Variants in ACSL6 observed in about 807,000 individuals in gnomAD.
ACSL6 encodes the protein acyl-CoA synthetase long chain family member 6.
A neutral mutation model predicts 98.2 loss-of-function variants in ACSL6; 47 were observed. The ratio of observed to expected loss-of-function variants is 0.48; its 90% CI spans 0.38 to 0.61. The LOEUF (loss-of-function observed/expected upper bound fraction) is 0.61. Among genes scored for constraint, ACSL6 ranks in the 20% least tolerant of loss-of-function variants. The probability of loss-of-function intolerance (pLI) is 0.00; values close to 1 mark genes in which losing one functional copy is unlikely to be tolerated. For synonymous variants in ACSL6, 362 were observed against 336.9 expected (o/e 1.07, Z -0.82); for missense variants, 761 against 913.4 (o/e 0.83, Z 2.15).
Position 131,954,161 on chromosome 5 carries a change from G to T in ACSL6, c.*73C>A. On this transcript the variant is annotated 3_prime_UTR_variant, in exon 21 of 21. Coordinates refer to ENST00000651883, the MANE Select transcript of ACSL6 (RefSeq NM_001009185.3). ...TATTCATTTTCAGCTGTGTCATTTT[G>T]ACTCATTACTTTCAAGAATAACTAT... is the stretch of plus-strand genomic sequence containing the variant. The T allele has an allele frequency of 7.0e-7, 1 of 1,434,560 alleles. No homozygotes were observed. Among genetic ancestry groups the T allele is most frequent in the Non-Finnish European group, 9.2e-7 (1 of 1,085,868 alleles). 88.9% of individuals were successfully genotyped at this position (1,434,560 alleles called of 1,614,324 possible).
intron 1 of ACSL6, chr5:131,999,352 T>A (rs1255059777): frequency 1.3e-5 from 2 of 152,226 alleles, no homozygotes; most frequent in Non-Finnish European, 2.9e-5. Flanking sequence ...AGTTACTCCA[T>A]CTCTTTGCAA....
chr5:131,989,044 G>A, intron 5 of ACSL6, 140 bp from the exon 6 acceptor site: 1 of 720,784 alleles, frequency 1.4e-6, no homozygotes, highest in Non-Finnish European at 2.4e-6. Flanking sequence ...GGTTGTGTCT[G>A]CTCACCCACA....
At chr5:132,004,342 C>T (rs2126956856) in intron 1 of ACSL6, among the ~76,000 whole-genome samples, 1 of 152,164 alleles carries the variant, frequency 6.6e-6, no homozygotes, top group East Asian at 1.9e-4. Context: ...ATGGATGCCA[C>T]TCAGACTCCC....
intron 11 of ACSL6, chr5:131,973,713 C>A: frequency 4.0e-6 from 1 of 247,240 alleles, no homozygotes; most frequent in Non-Finnish European, 7.9e-6. Flanking sequence ...TGGACATGGG[C>A]CTCCCTGGGG....
In ACSL6 at chr5:131,952,828, T is replaced by C. The variant is rs1424141859; in HGVS notation, c.*1406A>G. The C allele has an allele frequency of 1.8e-5, 4 of 218,462 alleles. No individual in the cohort carries two copies. Among genetic ancestry groups the C allele is most frequent in the Admixed American group, 1.7e-4 (3 of 17,206 alleles). The allele number at this position is 218,462 out of a possible 1,614,324, so 13.5% of individuals were successfully genotyped here. A position where few individuals can be genotyped will look rare whatever the true frequency, so the allele number is the denominator to read the frequency against. On this transcript the variant is annotated 3_prime_UTR_variant, in exon 21 of 21. Coordinates refer to ENST00000651883, the MANE Select transcript of ACSL6 (RefSeq NM_001009185.3). Reference sequence around the variant, plus strand: ...CCATTAGGCAGTATTTCTTTGTCTATGGACTTAAAAAGTTTTCTTGGGGCA... The same window carrying C: ...CCATTAGGCAGTATTTCTTTGTCTACGGACTTAAAAAGTTTTCTTGGGGCA...
rs532978047 is a variant in ACSL6 at position 131,955,492 on chromosome 5, C to G, written c.2032-1121G>C. 2.0e-5 allele frequency among the ~76,000 whole-genome samples: 3 copies of G among 152,184 alleles called. No individual in the cohort carries two copies. In the East Asian group the frequency reaches 5.8e-4, roughly 29 times the overall value. On this transcript the variant is annotated intron_variant, in intron 20 of 20. Coordinates refer to ENST00000651883, the MANE Select transcript of ACSL6 (RefSeq NM_001009185.3). ...GGTCCCAAGGGAGACGTTTTTAAACCATAGTGCACTGAGAACTAGGTGATC... is the reference window on the plus strand; with the variant it reads ...GGTCCCAAGGGAGACGTTTTTAAACGATAGTGCACTGAGAACTAGGTGATC...
chr5:131,994,109 G>T lies in ACSL6; in HGVS notation c.192C>A (p.Ile64=), dbSNP rs150297191. 3.7e-6 allele frequency: 6 copies of T among 1,614,096 alleles called. No homozygotes were observed. The African/African-American group carries it at 6.7e-5, about 18-fold the overall frequency. ...TLVSMGALAA[I]LAYWFTHRPK... ...GCCGGTGAGTGAACCAGTAGGCAAG[G>T]ATGGCAGCCAGGGCACCCATACTCA... The change falls in exon 2 of 21, where the codon ATC becomes ATA. Residue 64 remains isoleucine (I), a synonymous_variant. Transcript: ENST00000651883.
At chr5:131,973,173 A>G (rs1753409527) in intron 12 of ACSL6, 93 bp downstream of exon 12, 3 of 1,490,636 alleles carry the variant, frequency 2.0e-6, no homozygotes, top group Non-Finnish European at 2.7e-6. Flanking sequence ...TTGGCAGTGG[A>G]GGCACTGAAA....
chr5:131,966,807 A>G (rs895525389), intron 16 of ACSL6, among the ~76,000 whole-genome samples: 2 of 152,192 alleles, frequency 1.3e-5, no homozygotes, highest in African/African-American at 4.8e-5. Context: ...GGCCTTGGCC[A>G]CATGCTGCTC....
intron 8 of ACSL6, among the ~76,000 whole-genome samples, chr5:131,986,561 A>G (rs1561797794): frequency 6.6e-6 from 1 of 152,160 alleles, no homozygotes; most frequent in South Asian, 2.1e-4. Flanking sequence ...AGACTTCCCA[A>G]AGAAGTTACT....
upstream of ACSL6, chr5:132,011,685 C>A (rs951168966): frequency 2.4e-6 from 3 of 1,269,344 alleles, no homozygotes; most frequent in East Asian, 6.3e-5. This position sits in a 1 kb window ranked among gnomAD's most constrained non-coding sequence, Gnocchi z 5.4. Context: ...CCCCGCCCTC[C>A]GGCCCCGCAG....
intron 2 of ACSL6, chr5:131,993,724 C>A: frequency 2.9e-6 from 1 of 348,812 alleles, no homozygotes; most frequent in Non-Finnish European, 5.4e-6. Context: ...TCCTCAAGAA[C>A]CTGCTTAGGC....
upstream of ACSL6, chr5:132,011,898 T>A: frequency 6.4e-7 from 1 of 1,552,118 alleles, no homozygotes; most frequent in Non-Finnish European, 8.7e-7. This position sits in a 1 kb window ranked among gnomAD's most constrained non-coding sequence, Gnocchi z 5.4. Context: ...CCGGCCCCGC[T>A]CTCCAACGTC....
rs1001167788 is a variant in ACSL6, at chr5:131,974,956, C to T, written c.1005G>A (p.Pro335=). ...FLKVTEKVIF[P]RQDDVLISFL... ...AGGAGATGAGCACATCGTCCTGTCT[C>T]GGAAAGATCACTTTCTGCAGGCGAC... The change falls in exon 11 of 21, where the codon CCG becomes CCA. Residue 335 remains proline, a synonymous_variant. Transcript: ENST00000651883. 1.9e-6 allele frequency: 3 copies of T among 1,613,790 alleles called. No individual in the cohort carries two copies. Among genetic ancestry groups the T allele is most frequent in the Non-Finnish European group, 2.5e-6 (3 of 1,179,940 alleles).
At chr5:131,972,650 T>C (rs1753374357) in intron 13 of ACSL6, 74 bp downstream of exon 13, 1 of 1,551,590 alleles carries the variant, frequency 6.4e-7, no homozygotes, top group Non-Finnish European at 8.8e-7. Context: ...TGGGATGAAC[T>C]TCTCCAGTTC....
chr5:131,978,498 C>T (rs1753738338), intron 9 of ACSL6, among the ~76,000 whole-genome samples: 1 of 152,160 alleles, frequency 6.6e-6, no homozygotes, highest in Non-Finnish European at 1.5e-5. Flanking sequence ...CAGAGAGGAA[C>T]AGAGGAGAGA....
In ACSL6 at chr5:131,953,972, C is replaced by T. The variant is rs755573222; in HGVS notation, c.*262G>A. On this transcript the variant is annotated 3_prime_UTR_variant, in exon 21 of 21. Coordinates refer to ENST00000651883, the MANE Select transcript of ACSL6 (RefSeq NM_001009185.3). Reference sequence around the variant, plus strand: ...ATATTACTTTTAGTGGTACACAGTTCTTGAGAAAATGTCTTGATTTTTACA... The same window carrying T: ...ATATTACTTTTAGTGGTACACAGTTTTTGAGAAAATGTCTTGATTTTTACA... 3.5e-6 allele frequency: 1 copy of T among 282,672 alleles called. No individual in the cohort carries two copies. The highest frequency in any genetic ancestry group is 6.6e-6 in the Non-Finnish European group (1 of 152,376). The allele number at this position is 282,672 out of a possible 1,614,324, so 17.5% of individuals were successfully genotyped here.
intron 9 of ACSL6, chr5:131,983,201 AT>A (rs1753995205): frequency 6.6e-6 from 1 of 152,182 alleles, no homozygotes; most frequent in African/African-American, 2.4e-5. Context: ...AGAGGTGGGA[AT>A]GGGTTCAGAT....
intron 1 of ACSL6, among the ~76,000 whole-genome samples, chr5:131,996,464 G>A (rs1167361554): frequency 6.6e-6 from 1 of 152,158 alleles, no homozygotes; most frequent in Non-Finnish European, 1.5e-5. Flanking sequence ...CTCGTAGGGT[G>A]GGTTCTGAGC....
Sources: gnomAD v4.1 joint callset for allele counts (sites outside exome capture counted in the v4.1 genomes callset) on GRCh38, gnomAD v4.1.1 for gene constraint, Gnocchi (gnomAD v3.1) non-coding constraint, MANE v1.5 for transcripts, NCBI Gene and HGNC (gene_info 2026-07-23, HGNC 2026-07-21) for gene names.